The following ZNF385D variants were observed in gnomAD, a reference collection of about 807,000 sequenced individuals.
ZNF385D encodes the protein zinc finger protein 385D.
ZNF385D carries 15 observed loss-of-function variants against 35.8 expected under a neutral mutation model. The ratio of observed to expected loss-of-function variants is 0.42; its 90% CI spans 0.28 to 0.64. The LOEUF (loss-of-function observed/expected upper bound fraction) is 0.64. ZNF385D is among the 30% of genes least tolerant of loss of function. The pLI is 0.23. For missense variants in ZNF385D, 474 were observed against 494.6 expected (o/e 0.96, Z 0.39); for synonymous variants, 212 against 186.8 (o/e 1.13, Z -1.10).
At chr3:21,425,369 G>GGGAT in intron 6 of ZNF385D, 123 bp downstream of exon 6, 1 of 974,624 alleles carries the variant, frequency 1.0e-6, no homozygotes. Flanking sequence ...GGCAGATGGA[G>GGGAT]GGATGGATGA....
At chr3:21,448,992 G>A (rs1186238941) in intron 4 of ZNF385D, among the ~76,000 whole-genome samples, 1 of 151,632 alleles carries the variant, frequency 6.6e-6, no homozygotes, top group African/African-American at 2.4e-5. Context: ...TTTTTTTTCT[G>A]AATATGAAAT....
intron 3 of ZNF385D, among the ~76,000 whole-genome samples, chr3:22,101,276 A>G (rs557263119): frequency 6.6e-6 from 1 of 152,094 alleles, no homozygotes; most frequent in African/African-American, 2.4e-5. Flanking sequence ...ATAATGATAT[A>G]TAAAGGGCTA....
At chr3:22,128,760 T>C (rs938024563) in intron 3 of ZNF385D, among the ~76,000 whole-genome samples, 1 of 152,130 alleles carries the variant, frequency 6.6e-6, no homozygotes, top group Admixed American at 6.6e-5. Context: ...GTTATTTCAA[T>C]GGCTTTGTTA....
Position 21,415,685 on chromosome 3 carries a change from AG to A in ZNF385D, c.*5528del, listed in dbSNP as rs1450533334. 1 of 152,132 alleles carries A rather than the reference AG, an allele frequency of 6.6e-6. No individual in the cohort carries two copies. Among genetic ancestry groups the A allele is most frequent in the African/African-American group, 2.4e-5 (1 of 41,444 alleles). The allele number at this position is 152,132 out of a possible 1,614,324, so 9.4% of individuals were successfully genotyped here. The stretch of plus-strand genomic sequence containing the variant: ...TACTTCTTTGCTCACAAATCATTTT[AG>A]CCCTAATCTTTAAAAATTGCCTTTA... On this transcript the variant is annotated 3_prime_UTR_variant, in exon 8 of 8. Transcript: ENST00000281523.
At position 21,930,075 on chromosome 3, in the gene ZNF385D, G is replaced by A. The variant is rs148924203; in HGVS notation, c.325+238742C>T. ...AAAGCTACAATAATCAAGACAAGTG[G>A]TACTAATATAAGGGCATATGTGCAG... is the stretch of plus-strand genomic sequence containing the variant. On this transcript the variant is annotated intron_variant, in intron 3 of 5. Transcript: ENST00000494108. Among the ~76,000 whole-genome samples the A allele has an allele frequency of 1.4e-3, 216 of 152,068 alleles. 2 individuals carry two copies. In the East Asian group the frequency reaches 0.029, roughly 21 times the overall value.
chr3:21,972,339 G>A (rs978592960), intron 3 of ZNF385D, among the ~76,000 whole-genome samples: 1 of 151,932 alleles, frequency 6.6e-6, no homozygotes, highest in African/African-American at 2.4e-5. Context: ...ATGACCAGTG[G>A]GTCAATGAAG....
At chr3:21,866,116 G>A (rs1191579305) in intron 3 of ZNF385D, among the ~76,000 whole-genome samples, 1 of 151,844 alleles carries the variant, frequency 6.6e-6, no homozygotes, top group African/African-American at 2.4e-5. Context: ...GTAAACATAT[G>A]TAGAAAAATA....
intron 4 of ZNF385D, 41 bp from the exon 5 acceptor site, chr3:21,437,244 G>T (rs371862786): frequency 9.8e-6 from 15 of 1,538,186 alleles, no homozygotes; most frequent in Admixed American, 1.8e-5. Context: ...GAAAAACAAT[G>T]GTATTATCTT....
At chr3:22,272,949 G>T (rs539533705) in intron 2 of ZNF385D, among the ~76,000 whole-genome samples, 1 of 151,782 alleles carries the variant, frequency 6.6e-6, no homozygotes, top group Non-Finnish European at 1.5e-5. Context: ...CAAAATTAAT[G>T]ATGACTTTTT....
chr3:21,807,997 T>A (rs1332642007), intron 3 of ZNF385D, among the ~76,000 whole-genome samples: 1 of 152,214 alleles, frequency 6.6e-6, no homozygotes, highest in South Asian at 2.1e-4. Context: ...ACCTCATGTA[T>A]GACCAAATAT....
At chr3:22,062,938 A>G (rs1248244765) in intron 3 of ZNF385D, among the ~76,000 whole-genome samples, 2 of 152,180 alleles carry the variant, frequency 1.3e-5, no homozygotes, top group Non-Finnish European at 2.9e-5. Flanking sequence ...AGCCTGGGTG[A>G]TGTCTCCACT....
chr3:21,743,180 C>A (rs2069601323), intron 1 of ZNF385D, among the ~76,000 whole-genome samples: 1 of 152,178 alleles, frequency 6.6e-6, no homozygotes, highest in South Asian at 2.1e-4. Flanking sequence ...AGTCATGGAA[C>A]AAAGACTAGA....
chr3:22,333,983 A>G (rs1695052923), intron 2 of ZNF385D, among the ~76,000 whole-genome samples: 1 of 152,198 alleles, frequency 6.6e-6, no homozygotes, highest in Non-Finnish European at 1.5e-5. Context: ...TATGTATTTT[A>G]TAGTTACATT....
intron 2 of ZNF385D, among the ~76,000 whole-genome samples, chr3:22,343,272 A>G (rs1008243940): frequency 6.6e-6 from 1 of 152,222 alleles, no homozygotes; most frequent in Non-Finnish European, 1.5e-5. Flanking sequence ...TAAACAAAAC[A>G]AAACAACCCA....
At chr3:21,592,787 C>G (rs2064021287) in intron 2 of ZNF385D, among the ~76,000 whole-genome samples, 2 of 152,142 alleles carry the variant, frequency 1.3e-5, no homozygotes, top group Admixed American at 1.3e-4. Context: ...AAGTAGAAAA[C>G]AGTTAGAATC....
At chr3:21,437,981 T>A (rs1327013702) in intron 4 of ZNF385D, among the ~76,000 whole-genome samples, 2 of 152,126 alleles carry the variant, frequency 1.3e-5, no homozygotes, top group East Asian at 3.9e-4. Flanking sequence ...TGTCACATTG[T>A]TTTAAGAGTT....
intron 3 of ZNF385D, among the ~76,000 whole-genome samples, chr3:22,088,277 A>G (rs1003032364): frequency 3.3e-5 from 5 of 152,190 alleles, no homozygotes; most frequent in African/African-American, 9.7e-5. Context: ...TAAAAACAAA[A>G]TATGTGATAA....
At chr3:22,105,486 C>T (rs35580456) in intron 3 of ZNF385D, among the ~76,000 whole-genome samples, 17,603 of 152,086 alleles carry the variant, frequency 0.12, 1,173 homozygotes, top group Non-Finnish European at 0.16. Flanking sequence ...TTGGCTCACA[C>T]AATTACGGAG....
At chr3:21,658,696 T>G (rs909168872) in intron 2 of ZNF385D, among the ~76,000 whole-genome samples, 3 of 152,072 alleles carry the variant, frequency 2.0e-5, no homozygotes, top group Non-Finnish European at 4.4e-5. Context: ...AATATGCATA[T>G]GGTATTTATC....
Sources: gnomAD v4.1 joint callset for allele counts (sites outside exome capture counted in the v4.1 genomes callset) on GRCh38, gnomAD v4.1.1 for gene constraint, MANE v1.5 for transcripts, NCBI Gene and HGNC (gene_info 2026-07-23, HGNC 2026-07-21) for gene names.